The following RANBP2 variants were observed in gnomAD, a reference collection of about 807,000 sequenced individuals.
RANBP2 encodes E3 SUMO-protein ligase RanBP2.
RANBP2 carries 57 observed loss-of-function variants against 303.6 expected under a neutral mutation model. That is an observed-to-expected ratio of 0.19 (90% CI 0.15 to 0.23). RANBP2 has a LOEUF of 0.23. Ranked by LOEUF, RANBP2 falls within the 10% of genes least tolerant of loss-of-function variation. The pLI is 1.00. For missense variants in RANBP2, 3,138 were observed against 3,780.8 expected, an observed-to-expected ratio of 0.83 and a Z score of 4.46; for synonymous variants, 1,167 against 1,301.5, an observed-to-expected ratio of 0.90 and a Z score of 2.23.
the RANBP2 span, chr2:109,614,036 G>A: frequency 1.7e-4 from 202 of 1,209,424 alleles, no homozygotes; most frequent in Middle Eastern, 6.4e-4. Flanking sequence ...TGCGCGCTGA[G>A]CGTTTTGCCT....
the RANBP2 span, among the ~76,000 whole-genome samples, chr2:109,484,954 C>T: frequency 3.3e-5 from 5 of 152,190 alleles, no homozygotes; most frequent in African/African-American, 1.2e-4. Context: ...TTAAAGTGTA[C>T]GATTGTGTTC....
the RANBP2 span, among the ~76,000 whole-genome samples, chr2:109,032,456 T>C: frequency 6.6e-6 from 1 of 152,188 alleles, no homozygotes; most frequent in African/African-American, 2.4e-5. Flanking sequence ...GTGAAACTGC[T>C]CCTTGGGGTG....
the RANBP2 span, among the ~76,000 whole-genome samples, chr2:109,124,850 C>T: frequency 4.6e-5 from 7 of 152,286 alleles, no homozygotes; most frequent in South Asian, 4.1e-4. Context: ...CAATGCCTGG[C>T]GGAGATCCTC....
chr2:108,915,563 T>G, the RANBP2 span, among the ~76,000 whole-genome samples: 3 of 152,366 alleles, frequency 2.0e-5, no homozygotes, highest in South Asian at 6.2e-4. Context: ...CTTTGCTTTC[T>G]TAATTTAGCC....
the RANBP2 span, among the ~76,000 whole-genome samples, chr2:108,959,873 C>T: frequency 1.3e-5 from 2 of 152,206 alleles, no homozygotes; most frequent in South Asian, 4.1e-4. Context: ...CACATACATA[C>T]AAGCACACAC....
the RANBP2 span, among the ~76,000 whole-genome samples, chr2:109,271,595 G>A: frequency 6.6e-6 from 1 of 152,224 alleles, no homozygotes; most frequent in African/African-American, 2.4e-5. Flanking sequence ...AGGACCTTCT[G>A]GAGTGGGGAC....
chr2:109,048,634 T>C, the RANBP2 span, among the ~76,000 whole-genome samples: 1 of 128,780 alleles, frequency 7.8e-6, no homozygotes, highest in African/African-American at 2.8e-5. Context: ...CTTTTAATTA[T>C]TATAAAAAGT....
At chr2:109,568,017 T>C in the RANBP2 span, 1 of 1,462,642 alleles carries the variant, frequency 6.8e-7, no homozygotes, top group Non-Finnish European at 9.2e-7. Flanking sequence ...CTGAGGATTT[T>C]TTTTTTTAAT....
chr2:109,192,661 C>G, the RANBP2 span, among the ~76,000 whole-genome samples: 6 of 152,178 alleles, frequency 3.9e-5, no homozygotes, highest in South Asian at 1.2e-3. Context: ...GGCCTTCCAA[C>G]TGCAGAGGAA....
the RANBP2 span, among the ~76,000 whole-genome samples, chr2:108,949,368 T>C: frequency 6.6e-6 from 1 of 152,188 alleles, no homozygotes; most frequent in Admixed American, 6.5e-5. Context: ...ACATGCACAA[T>C]ATCTGATAAT....
the RANBP2 span, among the ~76,000 whole-genome samples, chr2:108,913,949 CAAA>C: frequency 2.7e-5 from 3 of 109,154 alleles, no homozygotes; most frequent in African/African-American, 1.1e-4. Flanking sequence ...GATTCCGTCT[CAAA>C]AAAAAAAAAA....
the RANBP2 span, among the ~76,000 whole-genome samples, chr2:109,082,783 A>G: frequency 6.6e-6 from 1 of 151,114 alleles, no homozygotes; most frequent in African/African-American, 2.4e-5. Flanking sequence ...CCTGTAAATA[A>G]TGACTGCACT....
the RANBP2 span, among the ~76,000 whole-genome samples, chr2:109,143,453 G>C: frequency 6.6e-6 from 1 of 152,222 alleles, no homozygotes; most frequent in African/African-American, 2.4e-5. Flanking sequence ...GATAAAGAAA[G>C]TGCAGTGGGC....
At chr2:108,961,013 A>G in the RANBP2 span, among the ~76,000 whole-genome samples, 2 of 152,234 alleles carry the variant, frequency 1.3e-5, no homozygotes, top group Non-Finnish European at 2.9e-5. Flanking sequence ...TCCTTACAAT[A>G]GAGTCCCAGT....
At chr2:109,545,178 G>C in the RANBP2 span, 4 of 985,212 alleles carry the variant, frequency 4.1e-6, no homozygotes, top group Non-Finnish European at 4.8e-6. Context: ...CACAGAGGTA[G>C]CTAGAGTAAA....
the RANBP2 span, among the ~76,000 whole-genome samples, chr2:108,947,014 C>A: frequency 6.6e-6 from 1 of 152,178 alleles, no homozygotes; most frequent in African/African-American, 2.4e-5. Context: ...ATCCCTTCTG[C>A]CTATAAGCCT....
the RANBP2 span, among the ~76,000 whole-genome samples, chr2:109,641,966 C>T: frequency 2.6e-5 from 4 of 152,240 alleles, no homozygotes; most frequent in African/African-American, 4.8e-5. Context: ...CCACCATGCC[C>T]GGCTAATTTT....
the RANBP2 span, among the ~76,000 whole-genome samples, chr2:108,808,217 GA>G: frequency 6.6e-6 from 1 of 152,198 alleles, no homozygotes; most frequent in South Asian, 2.1e-4. Flanking sequence ...TGGTTATAAA[GA>G]AAATGTATAA....
the RANBP2 span, among the ~76,000 whole-genome samples, chr2:109,323,420 A>G: frequency 6.6e-6 from 1 of 152,378 alleles, no homozygotes; most frequent in Admixed American, 6.5e-5. Context: ...AAACACACAT[A>G]TGCACATACT....
Sources: allele counts gnomAD v4.1 joint callset (sites outside exome capture counted in the v4.1 genomes callset), GRCh38; gene constraint gnomAD v4.1.1; transcripts MANE v1.5; gene names NCBI Gene and HGNC (gene_info 2026-07-23, HGNC 2026-07-21).